RMDN3: variants seen among roughly 807,000 people sequenced by gnomAD.
The protein encoded by RMDN3 is regulator of microtubule dynamics 3.
RMDN3 carries 41 observed loss-of-function variants against 61.8 expected under a neutral mutation model. That is an observed-to-expected ratio of 0.66 (90% CI 0.52 to 0.86). The LOEUF (loss-of-function observed/expected upper bound fraction) is 0.86. Among genes scored for constraint, RMDN3 ranks in the 40% least tolerant of loss-of-function variants. RMDN3 has a pLI of 0.00. For missense variants in RMDN3, 557 were observed against 585.3 expected (o/e 0.95, Z 0.50); for synonymous variants, 247 against 232.0 (o/e 1.06, Z -0.59).
intron 4 of RMDN3, among the ~76,000 whole-genome samples, chr15:40,750,134 T>C: frequency 6.6e-6 from 1 of 151,084 alleles, no homozygotes; most frequent in Non-Finnish European, 1.5e-5. Context: ...GTGGCACAAT[T>C]ATGGCTCACT....
rs1256546304 is a variant in RMDN3, at chr15:40,740,132, C to T, written c.971+1G>A. 1 of 1,603,932 alleles carries T rather than the reference C, an allele frequency of 6.2e-7. No individual in the cohort carries two copies. The highest frequency in any genetic ancestry group is 8.5e-7 in the Non-Finnish European group (1 of 1,171,508). ...CCCAGAACACTGCAGGGTGTTATTACCACAGGTGACAGTCAGCACTCTCAT... is the reference window on the plus strand; with the variant it reads ...CCCAGAACACTGCAGGGTGTTATTATCACAGGTGACAGTCAGCACTCTCAT... On this transcript the variant is annotated splice_donor_variant, in intron 7 of 12. Coordinates refer to ENST00000338376, the MANE Select transcript of RMDN3 (RefSeq NM_018145.3). LOFTEE classifies it high-confidence loss of function.
chr15:40,737,044 G>T, intron 12 of RMDN3, 80 bp downstream of exon 12: 1 of 1,107,744 alleles, frequency 9.0e-7, no homozygotes, highest in South Asian at 1.2e-5. Context: ...GTAGAGATGG[G>T]GTTTCTCCAT....
At chr15:40,741,620 A>ATTTTTTTTTAT (rs1897283463) in intron 6 of RMDN3, among the ~76,000 whole-genome samples, 1 of 71,724 alleles carries the variant, frequency 1.4e-5, no homozygotes, top group Non-Finnish European at 2.5e-5. Context: ...GCAACATAGG[A>ATTTTTTTTTAT]TTTTTTTTTT....
chr15:40,745,344 A>G, intron 4 of RMDN3, 85 bp from the exon 5 acceptor site: 2 of 1,323,764 alleles, frequency 1.5e-6, no homozygotes, highest in Middle Eastern at 1.9e-4. Context: ...CCAAAGAAGC[A>G]CTCTACATGG....
In RMDN3 at chr15:40,752,147, A is replaced by C. The variant is rs1897855152; in HGVS notation, c.219T>G (p.Ala73=). The part of the protein sequence containing the change: ...VMLLRAVPGG[A]GDASVLPSLP... Reference sequence around the variant, plus strand: ...GGCTGGGCAGCACTGAGGCATCTCCAGCCCCACCTGGGACAGCCCGCAGGA... The same window carrying C: ...GGCTGGGCAGCACTGAGGCATCTCCCGCCCCACCTGGGACAGCCCGCAGGA... Residue 73 remains alanine, a synonymous_variant, in exon 3 of 13, where the codon GCT becomes GCG. Coordinates refer to ENST00000338376, the MANE Select transcript of RMDN3 (RefSeq NM_018145.3). The C allele has an allele frequency of 3.2e-5, 51 of 1,614,074 alleles. No homozygotes were observed. The highest frequency in any genetic ancestry group is 4.2e-5 in the Non-Finnish European group (50 of 1,179,988).
intron 6 of RMDN3, among the ~76,000 whole-genome samples, chr15:40,740,676 CT>C (rs2141904723): frequency 1.3e-5 from 2 of 152,184 alleles, no homozygotes; most frequent in South Asian, 4.2e-4. Context: ...TAAGGGAAGA[CT>C]TCAGGGATGA....
chr15:40,741,151 T>A (rs1555430880), intron 6 of RMDN3, among the ~76,000 whole-genome samples: 1 of 151,974 alleles, frequency 6.6e-6, no homozygotes, highest in Non-Finnish European at 1.5e-5. Context: ...AGGGGCAGTG[T>A]CCATGAATCT....
At chr15:40,751,354 T>C in intron 4 of RMDN3, 72 bp downstream of exon 4, 1 of 1,557,524 alleles carries the variant, frequency 6.4e-7, no homozygotes, top group Non-Finnish European at 8.7e-7. Context: ...TGGTTTGAAT[T>C]TTCCATTGAT....
Position 40,742,803 on chromosome 15 carries a change from C to A in RMDN3, c.910+1244G>T, listed in dbSNP as rs959770921. 2.4e-4 allele frequency among the ~76,000 whole-genome samples: 37 copies of A among 152,070 alleles called. 1 individual carries two copies. Among genetic ancestry groups the A allele is most frequent in the Admixed American group, 2.6e-4 (4 of 15,260 alleles). On this transcript the variant is annotated intron_variant, in intron 6 of 12. Coordinates refer to ENST00000338376, the MANE Select transcript of RMDN3 (RefSeq NM_018145.3). ...GCACTAATAAGAGATGACCAATGATCAAGAGGGAAAGGAAAGGTTGTTGAC... is the reference window on the plus strand; with the variant it reads ...GCACTAATAAGAGATGACCAATGATAAAGAGGGAAAGGAAAGGTTGTTGAC...
Position 40,737,494 on chromosome 15 carries a change from G to A in RMDN3, c.1224+134C>T, listed in dbSNP as rs59558714. 8.2e-3 allele frequency: 9,232 copies of A among 1,125,402 alleles called. 556 individuals carry two copies. In the African/African-American group the frequency reaches 0.13, roughly 16 times the overall value. 69.7% of individuals were successfully genotyped at this position (1,125,402 alleles called of 1,614,324 possible). Reference sequence around the variant, plus strand: ...TTGATAAGCTGTGCAAGTGATTCTGGTTTTCCCATAGAACAGGCAAACACA... The same window carrying A: ...TTGATAAGCTGTGCAAGTGATTCTGATTTTCCCATAGAACAGGCAAACACA... On this transcript the variant is annotated intron_variant, in intron 10 of 12. Transcript: ENST00000338376.
intron 4 of RMDN3, among the ~76,000 whole-genome samples, chr15:40,751,167 AG>A (rs1897804019): frequency 6.6e-6 from 1 of 152,278 alleles, no homozygotes; most frequent in Admixed American, 6.5e-5. Context: ...GTGATAACAC[AG>A]AAAAATGCCC....
chr15:40,743,387 C>CTCCA (rs1897357529), intron 6 of RMDN3, among the ~76,000 whole-genome samples: 1 of 150,618 alleles, frequency 6.6e-6, no homozygotes, highest in African/African-American at 2.5e-5. Flanking sequence ...GGCCACTGAA[C>CTCCA]TCCAGCCTGG....
Position 40,744,170 on chromosome 15 carries a change from G to T in RMDN3, c.808-21C>A, listed in dbSNP as rs367898986. ...CCATACTGCAGACCAGACAGAAACG[G>T]GTGAGGCCCCTTTTTCCTCAACTGT... On this transcript the variant is annotated intron_variant, in intron 5 of 12. Transcript: ENST00000338376. 437 of 1,610,006 alleles carry T rather than the reference G, an allele frequency of 2.7e-4. 1 individual carries two copies. Among genetic ancestry groups the T allele is most frequent in the Non-Finnish European group, 3.5e-4 (408 of 1,178,048 alleles).
intron 1 of RMDN3, 35 bp from the exon 2 acceptor site, chr15:40,754,825 C>A (rs1373729427): frequency 6.0e-6 from 3 of 503,290 alleles, no homozygotes; most frequent in African/African-American, 3.4e-5. Context: ...AGCAGGCAGG[C>A]GGGCGGGCGG....
At chr15:40,741,268 G>A (rs1342665491) in intron 6 of RMDN3, among the ~76,000 whole-genome samples, 1 of 152,056 alleles carries the variant, frequency 6.6e-6, no homozygotes. Context: ...AGAACTTTGA[G>A]AGGCCAAGGA....
intron 4 of RMDN3, among the ~76,000 whole-genome samples, chr15:40,746,465 G>A (rs963075563): frequency 1.3e-5 from 2 of 150,748 alleles, no homozygotes; most frequent in African/African-American, 4.9e-5. Flanking sequence ...TGCAGTGAGC[G>A]GAGATCACAC....
Position 40,754,544 on chromosome 15 carries a change from A to G in RMDN3, c.187+53T>C, listed in dbSNP as rs1897958875. On this transcript the variant is annotated intron_variant, in intron 2 of 12. Coordinates refer to ENST00000338376, the MANE Select transcript of RMDN3 (RefSeq NM_018145.3). ...ACAGTCTCCACCGAAAGCAGCCCAG[A>G]CCTCAGGCCCATTAGTCTGCAGTGA... is the stretch of plus-strand genomic sequence containing the variant. 2.0e-6 allele frequency: 3 copies of G among 1,520,754 alleles called. No homozygotes were observed. In the East Asian group the frequency reaches 6.9e-5, roughly 35 times the overall value. 94.2% of individuals were successfully genotyped at this position (1,520,754 alleles called of 1,614,324 possible). A position where few individuals can be genotyped will look rare whatever the true frequency, so the allele number is the denominator to read the frequency against.
intron 9 of RMDN3, 34 bp downstream of exon 9, chr15:40,737,931 G>A (rs779702744): frequency 1.2e-6 from 2 of 1,608,550 alleles, no homozygotes; most frequent in East Asian, 2.2e-5. Flanking sequence ...AAGGCATTTA[G>A]GACCATTATG....
At chr15:40,744,010 G>C (rs767808314) in intron 6 of RMDN3, 37 bp downstream of exon 6, 2 of 1,563,328 alleles carry the variant, frequency 1.3e-6, no homozygotes, top group South Asian at 1.2e-5. Flanking sequence ...CCCTGAATCA[G>C]TCAGTCACCT....
Sources: gnomAD v4.1 joint callset for allele counts (sites outside exome capture counted in the v4.1 genomes callset) on GRCh38, gnomAD v4.1.1 for gene constraint, MANE v1.5 for transcripts, NCBI Gene and HGNC (gene_info 2026-07-23, HGNC 2026-07-21) for gene names.